LRP1B: variants seen among roughly 807,000 people sequenced by gnomAD.
The protein encoded by LRP1B is low-density lipoprotein receptor-related protein 1B.
In LRP1B, 217 loss-of-function variants were observed where a neutral mutation model predicts 556.6. The ratio of observed to expected loss-of-function variants is 0.39; its 90% CI spans 0.35 to 0.44. LRP1B has a LOEUF of 0.44. Ranked by LOEUF, LRP1B falls within the 20% of genes least tolerant of loss-of-function variation. The probability of loss-of-function intolerance (pLI) is 1.00; values close to 1 mark genes in which losing one functional copy is unlikely to be tolerated. For synonymous variants in LRP1B, 2,047 were observed against 1,865.8 expected, an observed-to-expected ratio of 1.10 and a Z score of -2.50; for missense variants, 5,053 against 5,620.8, an observed-to-expected ratio of 0.90 and a Z score of 3.23.
intron 2 of LRP1B, among the ~76,000 whole-genome samples, chr2:141,506,733 A>C (rs1413334104): frequency 1.3e-5 from 2 of 152,008 alleles, no homozygotes; most frequent in Non-Finnish European, 2.9e-5. Flanking sequence ...GGCTATATAC[A>C]ACAGAAAAAA....
chr2:140,539,978 G>A (rs192730987), intron 45 of LRP1B, among the ~76,000 whole-genome samples: 71 of 152,186 alleles, frequency 4.7e-4, no homozygotes, highest in African/African-American at 1.4e-3. Context: ...GAGAAAATAT[G>A]TCTATGTTAT....
At chr2:141,607,002 TTTC>T (rs1687937746) in intron 2 of LRP1B, among the ~76,000 whole-genome samples, 1 of 152,126 alleles carries the variant, frequency 6.6e-6, no homozygotes, top group Non-Finnish European at 1.5e-5. Context: ...CCTTCCTTCC[TTTC>T]TTGTTTTTCT....
At position 141,799,836 on chromosome 2, in the gene LRP1B, CAGAG is replaced by C. The variant is rs376730491; in HGVS notation, c.205+10439_205+10442del. On this transcript the variant is annotated intron_variant, in intron 2 of 90. Coordinates refer to ENST00000389484, the MANE Select transcript of LRP1B (RefSeq NM_018557.3). ...TGTGTGTGTGTGTGTGTGTGTATGA[CAGAG>C]AGAGAGGCTAAGATAATGTTATACT... Among the ~76,000 whole-genome samples the C allele has an allele frequency of 2.1e-4, 18 of 84,200 alleles. 1 individual carries two copies. Among genetic ancestry groups the C allele is most frequent in the Admixed American group, 7.3e-4 (7 of 9,616 alleles). The allele number at this position is 84,200 out of a possible 152,430, so 55.2% of individuals were successfully genotyped here.
intron 2 of LRP1B, among the ~76,000 whole-genome samples, chr2:141,577,514 C>T (rs964556288): frequency 3.9e-5 from 6 of 152,204 alleles, no homozygotes; most frequent in African/African-American, 1.4e-4. Flanking sequence ...GATTGAGCTG[C>T]GCTGGGGAGT....
intron 2 of LRP1B, among the ~76,000 whole-genome samples, chr2:141,588,172 A>G (rs1346333245): frequency 1.3e-5 from 2 of 152,186 alleles, no homozygotes; most frequent in Non-Finnish European, 2.9e-5. Context: ...AAACACTGCA[A>G]TGTGTCCACA....
intron 1 of LRP1B, among the ~76,000 whole-genome samples, chr2:142,013,798 A>G (rs577671106): frequency 2.6e-5 from 4 of 152,276 alleles, no homozygotes; most frequent in Admixed American, 2.0e-4. Flanking sequence ...CATTAAAACC[A>G]AAGTAACTCC....
At position 141,147,753 on chromosome 2, in the gene LRP1B, G is replaced by T. The variant is rs1014934480; in HGVS notation, c.1013+40668C>A. ...AAATAATGTCAAATGAGCAAATGGAGATAATATTTTGAAGTACGGTCACAT... is the reference window on the plus strand; with the variant it reads ...AAATAATGTCAAATGAGCAAATGGATATAATATTTTGAAGTACGGTCACAT... On this transcript the variant is annotated intron_variant, in intron 7 of 90. Coordinates refer to ENST00000389484, the MANE Select transcript of LRP1B (RefSeq NM_018557.3). Among the ~76,000 whole-genome samples, 31 of 152,166 alleles carry T rather than the reference G, an allele frequency of 2.0e-4. 1 individual carries two copies. Among genetic ancestry groups the T allele is most frequent in the Admixed American group, 1.3e-3 (20 of 15,270 alleles).
intron 3 of LRP1B, among the ~76,000 whole-genome samples, chr2:141,346,922 T>C (rs1383945629): frequency 6.6e-6 from 1 of 152,172 alleles, no homozygotes; most frequent in African/African-American, 2.4e-5. Context: ...CTTGTGGTTT[T>C]ACTTCTTGAA....
chr2:141,243,068 A>C (rs1329956500), intron 5 of LRP1B, among the ~76,000 whole-genome samples: 1 of 152,052 alleles, frequency 6.6e-6, no homozygotes, highest in African/African-American at 2.4e-5. Flanking sequence ...ACTCTCAAAA[A>C]ATATATCAAA....
intron 1 of LRP1B, among the ~76,000 whole-genome samples, chr2:141,916,525 T>C (rs1387591146): frequency 1.4e-5 from 2 of 140,054 alleles, no homozygotes; most frequent in Non-Finnish European, 3.0e-5. Context: ...CCACCATGCC[T>C]GGCTAATTTT....
intron 83 of LRP1B, among the ~76,000 whole-genome samples, chr2:140,311,538 A>G (rs1326768791): frequency 6.6e-6 from 1 of 151,942 alleles, no homozygotes. Context: ...GGAGGAGGGT[A>G]AAGGATAAGA....
intron 1 of LRP1B, among the ~76,000 whole-genome samples, chr2:141,882,372 T>G (rs539031500): frequency 6.6e-6 from 1 of 152,226 alleles, no homozygotes; most frequent in Non-Finnish European, 1.5e-5. Context: ...AACAGAACAT[T>G]AAACCCTAAT....
intron 1 of LRP1B, among the ~76,000 whole-genome samples, chr2:141,928,189 C>T (rs892886): frequency 0.99 from 151,302 of 152,290 alleles, 75,165 homozygotes; most frequent in Non-Finnish European, 1. Context: ...TGACCTTGTC[C>T]CCATCATATA....
chr2:142,023,136 C>T (rs910952883), intron 1 of LRP1B, among the ~76,000 whole-genome samples: 16 of 152,264 alleles, frequency 1.1e-4, no homozygotes, highest in African/African-American at 3.9e-4. Context: ...TATCAACAAC[C>T]TTACCCTTAC....
At chr2:141,264,616 G>T (rs956379214) in intron 3 of LRP1B, among the ~76,000 whole-genome samples, 1 of 151,796 alleles carries the variant, frequency 6.6e-6, no homozygotes, top group Non-Finnish European at 1.5e-5. Flanking sequence ...CATCACACCC[G>T]GATAAATTTT....
chr2:141,134,917 G>T (rs1207594205), intron 7 of LRP1B, among the ~76,000 whole-genome samples: 1 of 151,482 alleles, frequency 6.6e-6, no homozygotes, highest in Non-Finnish European at 1.5e-5. Context: ...TAAATTCAAG[G>T]TATTTATATA....
chr2:141,940,829 A>G (rs1338082300), intron 1 of LRP1B, among the ~76,000 whole-genome samples: 2 of 152,158 alleles, frequency 1.3e-5, no homozygotes, highest in Non-Finnish European at 2.9e-5. Flanking sequence ...AAGAACTGTA[A>G]AAGACCTTAG....
chr2:141,775,736 G>T (rs2105625565), intron 2 of LRP1B, among the ~76,000 whole-genome samples: 1 of 151,628 alleles, frequency 6.6e-6, no homozygotes, highest in South Asian at 2.1e-4. Context: ...TTACATAATT[G>T]TCCTTTTAAT....
chr2:140,254,494 T>C (rs1573690377), intron 86 of LRP1B, among the ~76,000 whole-genome samples: 1 of 152,226 alleles, frequency 6.6e-6, no homozygotes, highest in Admixed American at 6.5e-5. Context: ...TTCAGCATAG[T>C]CCTTGTTCTA....
Sources: gnomAD v4.1 joint callset for allele counts (sites outside exome capture counted in the v4.1 genomes callset) on GRCh38, gnomAD v4.1.1 for gene constraint, MANE v1.5 for transcripts, NCBI Gene and HGNC (gene_info 2026-07-23, HGNC 2026-07-21) for gene names.